Variants in GHRL observed in about 807,000 individuals in gnomAD.
GHRL encodes the protein ghrelin and obestatin prepropeptide.
GHRL carries 24 observed loss-of-function variants against 16.9 expected under a neutral mutation model. That is an observed-to-expected ratio of 1.42 (90% CI 1.03 to 2.00). The LOEUF is 2.00. Ranked by LOEUF, GHRL falls within the 30% of genes most tolerant of loss-of-function variation. The pLI is 0.00. For missense variants in GHRL, 193 were observed against 142.1 expected, an observed-to-expected ratio of 1.36 and a Z score of -1.82; for synonymous variants, 63 against 58.2, an observed-to-expected ratio of 1.08 and a Z score of -0.37.
intron 1 of GHRL, 28 bp downstream of exon 1, chr3:10,292,814 C>A: frequency 3.7e-6 from 5 of 1,347,490 alleles, no homozygotes; most frequent in Non-Finnish European, 5.1e-6. Context: ...TGACCAGGTA[C>A]CTCCTGAGAC....
intron 2 of GHRL, chr3:10,290,451 C>T (rs986688276): frequency 3.2e-5 from 14 of 435,376 alleles, no homozygotes; most frequent in South Asian, 2.3e-4. Flanking sequence ...GGGTCCTCCC[C>T]GGTGCCTTTT....
intron 1 of GHRL, 67 bp from the exon 2 acceptor site, chr3:10,291,518 C>A: frequency 1.1e-6 from 1 of 944,686 alleles, no homozygotes; most frequent in Non-Finnish European, 1.3e-6. Context: ...CTTACGCCGA[C>A]CACAAATAAT....
Position 10,286,859 on chromosome 3 carries a change from C to G in GHRL, c.226-47G>C, listed in dbSNP as rs775460929. On this transcript the variant is annotated intron_variant, in intron 4 of 5. Transcript: ENST00000335542. ...ACCCAGGAGATGTCAGAGGTCATGC[C>G]CATCCCCATCTCAAAGGGGGCTCTG... 1.5e-5 allele frequency: 17 copies of G among 1,114,538 alleles called. No homozygotes were observed. The African/African-American group carries it at 1.7e-4, about 11-fold the overall frequency. 69.0% of individuals were successfully genotyped at this position (1,114,538 alleles called of 1,614,324 possible).
At chr3:10,289,934 C>T in intron 3 of GHRL, 56 bp from the exon 4 acceptor site, 2 of 1,492,760 alleles carry the variant, frequency 1.3e-6, no homozygotes, top group South Asian at 1.2e-5. Context: ...CTTCCAGAAA[C>T]AGTGAGGTCA....
At chr3:10,291,612 A>G (rs1329844566) in intron 1 of GHRL, among the ~76,000 whole-genome samples, 161 bp from the exon 2 acceptor site, 1 of 152,156 alleles carries the variant, frequency 6.6e-6, no homozygotes, top group Non-Finnish European at 1.5e-5. Flanking sequence ...TGCAGATGAC[A>G]ATGGTTTCAT....
chr3:10,289,123 A>G (rs149984026), intron 4 of GHRL, among the ~76,000 whole-genome samples: 279 of 152,308 alleles, frequency 1.8e-3, no homozygotes, highest in African/African-American at 6.2e-3. Context: ...TATTTAGAAG[A>G]AACCATTCCC....
rs1698958964 is a variant in GHRL, at chr3:10,285,749, A to G, written c.*126T>C. 2.8e-6 allele frequency: 2 copies of G among 703,866 alleles called. No homozygotes were observed. Among genetic ancestry groups the G allele is most frequent in the South Asian group, 1.7e-5 (1 of 59,206 alleles). The allele number at this position is 703,866 out of a possible 1,614,324, so 43.6% of individuals were successfully genotyped here. A position where few individuals can be genotyped will look rare whatever the true frequency, so the allele number is the denominator to read the frequency against. Reference sequence around the variant, plus strand: ...ATAAATTCCCATTTGGAACATCAGCATACAGTTTGAACATTTATTCGCCTC... The same window carrying G: ...ATAAATTCCCATTTGGAACATCAGCGTACAGTTTGAACATTTATTCGCCTC... On this transcript the variant is annotated 3_prime_UTR_variant, in exon 6 of 6. Transcript: ENST00000335542.
At chr3:10,292,397 AGTTGATTGCC>A (rs769279870) in intron 1 of GHRL, 30 of 178,836 alleles carry the variant, frequency 1.7e-4, no homozygotes, top group Non-Finnish European at 2.8e-4. Flanking sequence ...GCAGTAGAGC[AGTTGATTGCC>A]GAATGACCAC....
intron 1 of GHRL, chr3:10,292,494 C>T (rs950182196): frequency 1.5e-5 from 4 of 263,024 alleles, no homozygotes; most frequent in East Asian, 1.1e-4. Context: ...AAGCACAGGC[C>T]GGGTTGGACT....
Position 10,286,761 on chromosome 3 carries a change from GC to G in GHRL, c.276del (p.Gln92HisfsTer37). Reference sequence around the variant, plus strand: ...AACTTCCCCAGGGCCTGGCTGTGCTGCTGGTACTGAACCCCTGACAGCTTGA... The same window carrying G: ...AACTTCCCCAGGGCCTGGCTGTGCTGTGGTACTGAACCCCTGACAGCTTGA... Reference protein sequence around the residue: ...VGIKLSGVQYQQHSQALGKFL... With the variant: ...VGIKLSGVQYXQHSQALGKFL... On this transcript the variant is annotated frameshift_variant, in exon 5 of 6. Transcript: ENST00000335542. LOFTEE classifies it high-confidence loss of function. 1 of 1,613,478 alleles carries G rather than the reference GC, an allele frequency of 6.2e-7. No individual in the cohort carries two copies. Among genetic ancestry groups the G allele is most frequent in the African/African-American group, 1.3e-5 (1 of 75,036 alleles).
At position 10,292,928 on chromosome 3, in the gene GHRL, T is replaced by C. The variant is rs1326306034; in HGVS notation, c.-852A>G. 6.6e-7 allele frequency: 1 copy of C among 1,522,454 alleles called. No homozygotes were observed. 94.3% of individuals were successfully genotyped at this position (1,522,454 alleles called of 1,614,324 possible). A position where few individuals can be genotyped will look rare whatever the true frequency, so the allele number is the denominator to read the frequency against. On this transcript the variant is annotated 5_prime_UTR_variant, in exon 1 of 6. Coordinates refer to ENST00000335542, the MANE Select transcript of GHRL (RefSeq NM_016362.5). ...CAAGTAAACATCCACTGTGCAAAGC[T>C]GTGTTATCTTTGGGGAACTGAAATG...
At chr3:10,290,537 A>G (rs1161799541) in intron 2 of GHRL, among the ~76,000 whole-genome samples, 179 bp downstream of exon 2, 10 of 152,106 alleles carry the variant, frequency 6.6e-5, no homozygotes, top group Admixed American at 6.5e-4. Flanking sequence ...GCCCCAGGGC[A>G]CTCAGCAGGG....
At position 10,290,107 on chromosome 3, in the gene GHRL, G is replaced by A. The variant is rs754016454; in HGVS notation, c.74C>T (p.Ser25Phe). 1.9e-6 allele frequency: 3 copies of A among 1,613,158 alleles called. No homozygotes were observed. Among genetic ancestry groups the A allele is most frequent in the African/African-American group, 1.3e-5 (1 of 75,052 alleles). Residue 25 changes from serine (S) to phenylalanine (F), a missense_variant, in exon 3 of 6, where the codon TCC becomes TTC. Transcript: ENST00000335542. The stretch of plus-strand genomic sequence containing the variant: ...CTGGTGTTCAGGGCTCAGGAAGCTG[G>A]AGCCTGCCATGGCCAAGTCCAGCCA... ...MLWLDLAMAG[S>F]SFLSPEHQRV... is the part of the protein sequence containing the mutation.
chr3:10,289,780 C>G lies in GHRL; in HGVS notation c.207G>C (p.Glu69Asp). Residue 69 changes from glutamate (E) to aspartate (D), a missense_variant, in exon 4 of 6, where the codon GAG (glutamate) becomes GAC (aspartate). Physicochemically the swap from Glu to Asp is conservative, Grantham distance 45. Coordinates refer to ENST00000335542, the MANE Select transcript of GHRL (RefSeq NM_016362.5). ...TACCGACCCGGACTTCCAGTTCATC[C>G]TCTGCCCCTTCTGCTTGACCTCCAT... The part of the protein sequence containing the change: ...PEDGGQAEGA[E>D]DELEVRFNAP... The G allele has an allele frequency of 6.2e-7, 1 of 1,608,634 alleles. No homozygotes were observed. Among genetic ancestry groups the G allele is most frequent in the Non-Finnish European group, 8.5e-7 (1 of 1,175,198 alleles).
rs575655574 is a variant in GHRL, at chr3:10,290,776, C to T, written c.-90G>A. 136 of 991,968 alleles carry T rather than the reference C, an allele frequency of 1.4e-4. No individual in the cohort carries two copies. The highest frequency in any genetic ancestry group is 5.1e-4 in the South Asian group (11 of 21,360). The allele number at this position is 991,968 out of a possible 1,614,324, so 61.4% of individuals were successfully genotyped here. A position where few individuals can be genotyped will look rare whatever the true frequency, so the allele number is the denominator to read the frequency against. ...TCAGGTCCTTATATAGGATGACTGG[C>T]GTTTGTTCTAAACCAGCAACCCCAT... On this transcript the variant is annotated 5_prime_UTR_variant, in exon 2 of 6. Coordinates refer to ENST00000335542, the MANE Select transcript of GHRL (RefSeq NM_016362.5).
At position 10,285,669 on chromosome 3, in the gene GHRL, T is replaced by C. The variant is rs1576030940; in HGVS notation, c.*206A>G. The C allele has an allele frequency of 5.8e-6, 3 of 519,812 alleles. No homozygotes were observed. The highest frequency in any genetic ancestry group is 2.6e-5 in the South Asian group (1 of 38,678). 32.2% of individuals were successfully genotyped at this position (519,812 alleles called of 1,614,324 possible). On this transcript the variant is annotated 3_prime_UTR_variant, in exon 6 of 6. Transcript: ENST00000335542. ...ACAGACCATAAACCAAGAATTATTT[T>C]TATTTGTATTATTTTGATTTTTTTA...
At chr3:10,286,273 G>A (rs1699051844) in intron 5 of GHRL, among the ~76,000 whole-genome samples, 5 of 152,178 alleles carry the variant, frequency 3.3e-5, no homozygotes, top group Admixed American at 2.6e-4. Context: ...CTTAACTCAG[G>A]AAGCTCTAAT....
rs1356023406 is a variant in GHRL, at chr3:10,286,756, G to T, written c.282C>A (p.His94Gln). 4 of 1,613,330 alleles carry T rather than the reference G, an allele frequency of 2.5e-6. No homozygotes were observed. The highest frequency in any genetic ancestry group is 3.4e-6 in the Non-Finnish European group (4 of 1,179,234). ...IKLSGVQYQQ[H>Q]SQALGKFLQD... The stretch of plus-strand genomic sequence containing the variant: ...GAAGAAACTTCCCCAGGGCCTGGCT[G>T]TGCTGCTGGTACTGAACCCCTGACA... Residue 94 changes from histidine (H) to glutamine (Q), a missense_variant, in exon 5 of 6, where the codon CAC becomes CAA. By Grantham distance (24) the His-to-Gln change is conservative. Coordinates refer to ENST00000335542, the MANE Select transcript of GHRL (RefSeq NM_016362.5).
Position 10,290,395 on chromosome 3 carries a change from G to A in GHRL, c.-29-186C>T, listed in dbSNP as rs374058751. ...ATGGATGTGTGTTCTCTTCTCCAAG[G>A]CCGTTCAGGGCAGAACACCTGGCAG... On this transcript the variant is annotated intron_variant, in intron 2 of 5. Coordinates refer to ENST00000335542, the MANE Select transcript of GHRL (RefSeq NM_016362.5). 3,788 of 587,380 alleles carry A rather than the reference G, an allele frequency of 6.4e-3. 16 individuals carry two copies. Among genetic ancestry groups the A allele is most frequent in the Non-Finnish European group, 9.2e-3 (3,097 of 335,850 alleles). 36.4% of individuals were successfully genotyped at this position (587,380 alleles called of 1,614,324 possible).
Sources: allele counts gnomAD v4.1 joint callset (sites outside exome capture counted in the v4.1 genomes callset), GRCh38; gene constraint gnomAD v4.1.1; transcripts MANE v1.5; gene names NCBI Gene and HGNC (gene_info 2026-07-23, HGNC 2026-07-21).